The following RPS6KC1 variants were observed in gnomAD, a reference collection of about 807,000 sequenced individuals.
RPS6KC1 encodes the protein inactive ribosomal protein S6 kinase delta-1.
Under a neutral mutation model 103.8 loss-of-function variants are expected in RPS6KC1, and 54 were observed. The observed-to-expected ratio is 0.52, with a 90% CI of 0.42 to 0.65. The LOEUF (loss-of-function observed/expected upper bound fraction) is 0.65. Ranked by LOEUF, RPS6KC1 falls within the 30% of genes least tolerant of loss-of-function variation. The pLI is 0.00. For synonymous variants in RPS6KC1, 439 were observed against 438.7 expected, an observed-to-expected ratio of 1.00 and a Z score of -0.01; for missense variants, 1,151 against 1,253.8, an observed-to-expected ratio of 0.92 and a Z score of 1.24.
chr1:213,743,762 C>T, the RPS6KC1 span, among the ~76,000 whole-genome samples: 3 of 152,118 alleles, frequency 2.0e-5, no homozygotes, highest in African/African-American at 7.2e-5. Context: ...TGATTATCTT[C>T]AATTAAAACC....
chr1:213,761,444 T>C, the RPS6KC1 span, among the ~76,000 whole-genome samples: 5 of 152,202 alleles, frequency 3.3e-5, no homozygotes, highest in African/African-American at 1.2e-4. Flanking sequence ...TAACTGGGGC[T>C]GTAATGGGTG....
At chr1:213,314,855 G>A in the RPS6KC1 span, among the ~76,000 whole-genome samples, 1 of 152,078 alleles carries the variant, frequency 6.6e-6, no homozygotes, top group South Asian at 2.1e-4. Flanking sequence ...ACTTAATTAT[G>A]AGAGATACTC....
the RPS6KC1 span, among the ~76,000 whole-genome samples, chr1:213,392,452 T>C: frequency 6.6e-6 from 1 of 152,160 alleles, no homozygotes; most frequent in Admixed American, 6.5e-5. Context: ...GATACTGCTG[T>C]ACTGCTTTTG....
intron 4 of RPS6KC1, among the ~76,000 whole-genome samples, chr1:213,106,520 A>G (rs994976711): frequency 5.3e-5 from 8 of 152,182 alleles, no homozygotes; most frequent in African/African-American, 1.4e-4. Flanking sequence ...AATTTGAAGG[A>G]GTCTCGGAAG....
chr1:213,806,525 A>G, the RPS6KC1 span, among the ~76,000 whole-genome samples: 1 of 150,108 alleles, frequency 6.7e-6, no homozygotes, highest in South Asian at 2.1e-4. Flanking sequence ...TCCCTTTACC[A>G]TTATGTAATG....
the RPS6KC1 span, among the ~76,000 whole-genome samples, chr1:213,436,591 G>A: frequency 4.0e-3 from 605 of 152,282 alleles, 1 homozygote; most frequent in African/African-American, 0.014. Flanking sequence ...TACATATCAA[G>A]TAGGGAGACC....
chr1:213,051,525 G>C lies in RPS6KC1; in HGVS notation c.105+16G>C, dbSNP rs1298763958. Reference sequence around the variant, plus strand: ...CACCGCCCGGGTGAGTGCCGGTGTCGGGCTGGGGTAGAGCTTGGATTGGGA... The same window carrying C: ...CACCGCCCGGGTGAGTGCCGGTGTCCGGCTGGGGTAGAGCTTGGATTGGGA... On this transcript the variant is annotated intron_variant, in intron 1 of 14. Transcript: ENST00000366960. 23 of 1,576,086 alleles carry C rather than the reference G, an allele frequency of 1.5e-5. No individual in the cohort carries two copies. The highest frequency in any genetic ancestry group is 1.9e-5 in the Non-Finnish European group (22 of 1,150,188).
At chr1:213,059,828 GTGC>G (rs2077669475) in intron 1 of RPS6KC1, among the ~76,000 whole-genome samples, 1 of 152,042 alleles carries the variant, frequency 6.6e-6, no homozygotes, top group South Asian at 2.1e-4. Context: ...ACCCGCCACC[GTGC>G]CCAGCTAATT....
chr1:213,430,409 C>T, the RPS6KC1 span, among the ~76,000 whole-genome samples: 18 of 152,166 alleles, frequency 1.2e-4, no homozygotes, highest in Admixed American at 2.0e-4. Flanking sequence ...ATAACTAGGA[C>T]ATCAGATCTC....
the RPS6KC1 span, among the ~76,000 whole-genome samples, chr1:213,294,262 A>G: frequency 1.3e-5 from 2 of 152,318 alleles, no homozygotes; most frequent in African/African-American, 4.8e-5. Context: ...CATCCATTGG[A>G]TGAGAAATCT....
chr1:213,653,704 C>T, the RPS6KC1 span, among the ~76,000 whole-genome samples: 1 of 152,178 alleles, frequency 6.6e-6, no homozygotes, highest in African/African-American at 2.4e-5. Flanking sequence ...GGGACCCTGT[C>T]TGATTTTGCT....
chr1:213,765,360 C>T, the RPS6KC1 span, among the ~76,000 whole-genome samples: 1 of 152,136 alleles, frequency 6.6e-6, no homozygotes. Context: ...CTCTAAGTTC[C>T]CTTTAACTCA....
the RPS6KC1 span, among the ~76,000 whole-genome samples, chr1:213,850,567 C>A: frequency 6.6e-6 from 1 of 152,206 alleles, no homozygotes; most frequent in South Asian, 2.1e-4. Context: ...AGCACCCACA[C>A]AACTGTTTCA....
At chr1:213,194,037 C>T (rs1352190767) in intron 8 of RPS6KC1, among the ~76,000 whole-genome samples, 4 of 152,214 alleles carry the variant, frequency 2.6e-5, no homozygotes, top group Non-Finnish European at 5.9e-5. Context: ...ATTACATCCT[C>T]TTGCTGGATT....
At chr1:213,676,353 C>T in the RPS6KC1 span, among the ~76,000 whole-genome samples, 1 of 152,064 alleles carries the variant, frequency 6.6e-6, no homozygotes, top group Non-Finnish European at 1.5e-5. Flanking sequence ...TCTTTGTGTC[C>T]CAATGCTTAG....
the RPS6KC1 span, among the ~76,000 whole-genome samples, chr1:213,777,183 C>G: frequency 6.6e-6 from 1 of 152,138 alleles, no homozygotes; most frequent in Non-Finnish European, 1.5e-5. Flanking sequence ...ACTTTTTCTT[C>G]ACATTCGCAA....
the RPS6KC1 span, among the ~76,000 whole-genome samples, chr1:213,423,396 C>T: frequency 6.6e-6 from 1 of 152,188 alleles, no homozygotes; most frequent in Non-Finnish European, 1.5e-5. Flanking sequence ...TCTCATCCTT[C>T]AACCAGCCCC....
intron 3 of RPS6KC1, among the ~76,000 whole-genome samples, chr1:213,086,422 T>C (rs1572432417): frequency 6.6e-6 from 1 of 152,326 alleles, no homozygotes; most frequent in Non-Finnish European, 1.5e-5. Context: ...TTAGAACAGC[T>C]ATGTCAGGGA....
At chr1:213,080,405 G>A (rs1285640904) in intron 3 of RPS6KC1, among the ~76,000 whole-genome samples, 1 of 151,954 alleles carries the variant, frequency 6.6e-6, no homozygotes. Flanking sequence ...TAGCATTTTT[G>A]ATCTTCCTCC....
Sources: gnomAD v4.1 joint callset for allele counts (sites outside exome capture counted in the v4.1 genomes callset) on GRCh38, gnomAD v4.1.1 for gene constraint, MANE v1.5 for transcripts, NCBI Gene and HGNC (gene_info 2026-07-23, HGNC 2026-07-21) for gene names.